The following PTPRM variants were observed in gnomAD, a reference collection of about 807,000 sequenced individuals.
The protein encoded by PTPRM is protein tyrosine phosphatase receptor type M, also known as receptor-type tyrosine-protein phosphatase mu.
PTPRM carries 47 observed loss-of-function variants against 186.7 expected under a neutral mutation model. That is an observed-to-expected ratio of 0.25 (90% CI 0.20 to 0.32). The LOEUF (loss-of-function observed/expected upper bound fraction) is 0.32. Among genes scored for constraint, PTPRM ranks in the 10% least tolerant of loss-of-function variants. The probability of loss-of-function intolerance (pLI) is 1.00; values close to 1 mark genes in which losing one functional copy is unlikely to be tolerated. For synonymous variants in PTPRM, 668 were observed against 674.9 expected (o/e 0.99, Z 0.16); for missense variants, 1,494 against 1,865.0 (o/e 0.80, Z 3.66).
chr18:8,174,478 T>C (rs1329841460), intron 14 of PTPRM, among the ~76,000 whole-genome samples: 2 of 152,212 alleles, frequency 1.3e-5, no homozygotes, highest in Non-Finnish European at 2.9e-5. Flanking sequence ...TTTGAGGTTT[T>C]ACAATGTAAG....
chr18:8,153,744 C>G (rs934056552), intron 14 of PTPRM, among the ~76,000 whole-genome samples: 2 of 152,276 alleles, frequency 1.3e-5, no homozygotes, highest in African/African-American at 4.8e-5. Context: ...AAAGTTAAAG[C>G]ATAACATTAA....
At chr18:7,677,837 G>A (rs963661888) in intron 1 of PTPRM, among the ~76,000 whole-genome samples, 2 of 152,082 alleles carry the variant, frequency 1.3e-5, no homozygotes, top group Non-Finnish European at 2.9e-5. Flanking sequence ...CCCTTGTCCT[G>A]TTGCCTATGT....
chr18:8,358,475 G>A (rs771917400), intron 23 of PTPRM, among the ~76,000 whole-genome samples: 1 of 152,086 alleles, frequency 6.6e-6, no homozygotes, highest in Non-Finnish European at 1.5e-5. Context: ...TGTTTCTCAC[G>A]CCTCCTGTGT....
intron 1 of PTPRM, chr18:7,741,377 C>G (rs1013994159): frequency 2.6e-5 from 4 of 152,150 alleles, no homozygotes; most frequent in Admixed American, 1.3e-4. Flanking sequence ...TGGCCTTCTA[C>G]TCTGAAACAT....
intron 7 of PTPRM, among the ~76,000 whole-genome samples, chr18:8,036,622 C>T (rs1174961187): frequency 6.6e-6 from 1 of 152,150 alleles, no homozygotes; most frequent in East Asian, 1.9e-4. Context: ...CTCAGCTATA[C>T]ACAGATTAAA....
chr18:7,569,855 T>A (rs1249956416), intron 1 of PTPRM, among the ~76,000 whole-genome samples: 1 of 152,214 alleles, frequency 6.6e-6, no homozygotes, highest in East Asian at 1.9e-4. Flanking sequence ...ATCATACCAT[T>A]AAGTGAAATG....
At chr18:8,058,118 G>T (rs1295711077) in intron 7 of PTPRM, among the ~76,000 whole-genome samples, 1 of 130,700 alleles carries the variant, frequency 7.7e-6, no homozygotes, top group African/African-American at 3.1e-5. Flanking sequence ...AGCACCTGTT[G>T]TGTCCTGACT....
In PTPRM at chr18:7,870,378, T is replaced by G. The variant is rs2047923838; in HGVS notation, c.197-17728T>G. Among the ~76,000 whole-genome samples the G allele has an allele frequency of 2.0e-5, 3 of 152,326 alleles. No individual in the cohort carries two copies. The South Asian group carries it at 6.2e-4, about 32-fold the overall frequency. On this transcript the variant is annotated intron_variant, in intron 2 of 32. Coordinates refer to ENST00000580170, the MANE Select transcript of PTPRM (RefSeq NM_001105244.2). Reference sequence around the variant, plus strand: ...GGCAACTCAGTTTTCTCATTGTTGCTTGGGTGTCTGCTTTAGCAGTCTTTC... The same window carrying G: ...GGCAACTCAGTTTTCTCATTGTTGCGTGGGTGTCTGCTTTAGCAGTCTTTC...
chr18:7,770,980 A>G (rs1317854523), intron 1 of PTPRM, among the ~76,000 whole-genome samples: 3 of 152,206 alleles, frequency 2.0e-5, no homozygotes, highest in Middle Eastern at 3.2e-3. Flanking sequence ...CGAAAGAACC[A>G]TATCATACTT....
intron 23 of PTPRM, among the ~76,000 whole-genome samples, chr18:8,346,514 A>T (rs2095505951): frequency 6.6e-6 from 1 of 152,180 alleles, no homozygotes; most frequent in East Asian, 1.9e-4. Flanking sequence ...ATCTCCTTGG[A>T]GGCCTGTCTC....
At chr18:8,161,523 G>A (rs2093229421) in intron 14 of PTPRM, among the ~76,000 whole-genome samples, 1 of 152,146 alleles carries the variant, frequency 6.6e-6, no homozygotes, top group African/African-American at 2.4e-5. Flanking sequence ...AGGGAAGGGA[G>A]AAATCTTGAT....
intron 14 of PTPRM, among the ~76,000 whole-genome samples, chr18:8,181,651 A>G (rs1270941783): frequency 1.3e-5 from 2 of 152,164 alleles, no homozygotes; most frequent in East Asian, 3.8e-4. Flanking sequence ...AGAAGAGTAA[A>G]ATCGTTTTGT....
intron 14 of PTPRM, among the ~76,000 whole-genome samples, chr18:8,169,552 A>G (rs1190812811): frequency 6.6e-6 from 1 of 152,146 alleles, no homozygotes; most frequent in Admixed American, 6.6e-5. Context: ...TAGAAACAAC[A>G]TTATCAGTAA....
At chr18:7,963,262 C>T (rs1568086446) in intron 7 of PTPRM, among the ~76,000 whole-genome samples, 1 of 152,126 alleles carries the variant, frequency 6.6e-6, no homozygotes, top group Non-Finnish European at 1.5e-5. Flanking sequence ...TGTTTAGGCC[C>T]CAGAGATTCT....
At chr18:8,126,902 C>T (rs1204911823) in intron 13 of PTPRM, among the ~76,000 whole-genome samples, 2 of 151,780 alleles carry the variant, frequency 1.3e-5, no homozygotes, top group East Asian at 3.9e-4. Flanking sequence ...GAGCAGAGAG[C>T]GAAAAGGATG....
intron 14 of PTPRM, among the ~76,000 whole-genome samples, chr18:8,154,402 G>A (rs771808799): frequency 6.6e-6 from 1 of 152,134 alleles, no homozygotes; most frequent in Non-Finnish European, 1.5e-5. Flanking sequence ...AGACAGACTG[G>A]GCCCAAGAGA....
intron 1 of PTPRM, among the ~76,000 whole-genome samples, chr18:7,742,307 A>G (rs949571660): frequency 1.3e-5 from 2 of 152,202 alleles, no homozygotes; most frequent in African/African-American, 4.8e-5. Context: ...GGATGAATGG[A>G]TGCCAAAAAA....
chr18:7,934,522 G>A (rs922992043), intron 5 of PTPRM, among the ~76,000 whole-genome samples: 1 of 152,152 alleles, frequency 6.6e-6, no homozygotes, highest in South Asian at 2.1e-4. Flanking sequence ...CAGTTTCACT[G>A]ATCTACCATA....
chr18:8,056,871 A>G lies in PTPRM; in HGVS notation c.1133-12815A>G, dbSNP rs2087999797. ...GTCAGCAGTCTTACTTTTAACATGCACTAAGGGAAACTGGCCAGGAGGGCG... is the reference window on the plus strand; with the variant it reads ...GTCAGCAGTCTTACTTTTAACATGCGCTAAGGGAAACTGGCCAGGAGGGCG... On this transcript the variant is annotated intron_variant, in intron 7 of 32. Coordinates refer to ENST00000580170, the MANE Select transcript of PTPRM (RefSeq NM_001105244.2). Among the ~76,000 whole-genome samples, 2 of 152,168 alleles carry G rather than the reference A, an allele frequency of 1.3e-5. 1 individual carries two copies. The highest frequency in any genetic ancestry group is 4.1e-4 in the South Asian group (2 of 4,822).
Sources: gnomAD v4.1 joint callset for allele counts (sites outside exome capture counted in the v4.1 genomes callset) on GRCh38, gnomAD v4.1.1 for gene constraint, MANE v1.5 for transcripts, NCBI Gene and HGNC (gene_info 2026-07-23, HGNC 2026-07-21) for gene names.